Variants in SPRYD3 observed in about 807,000 individuals in gnomAD.
The protein encoded by SPRYD3 is SPRY domain-containing protein 3.
Under a neutral mutation model 50.1 loss-of-function variants are expected in SPRYD3, and 17 were observed. The ratio of observed to expected loss-of-function variants is 0.34; its 90% confidence interval spans 0.23 to 0.51. The LOEUF (loss-of-function observed/expected upper bound fraction) is 0.51. SPRYD3 is among the 20% of genes least tolerant of loss of function. The pLI is 0.97. For missense variants in SPRYD3, 401 were observed against 591.2 expected, an observed-to-expected ratio of 0.68 and a Z score of 3.34; for synonymous variants, 198 against 215.5, an observed-to-expected ratio of 0.92 and a Z score of 0.71.
chr12:53,077,561 C>T (rs569808052), intron 1 of SPRYD3, among the ~76,000 whole-genome samples: 2 of 152,156 alleles, frequency 1.3e-5, no homozygotes, highest in South Asian at 2.1e-4. Flanking sequence ...GAGAAAAGAA[C>T]AGGGTGATAT....
chr12:53,073,185 G>T, intron 6 of SPRYD3, 101 bp downstream of exon 6: 1 of 758,424 alleles, frequency 1.3e-6, no homozygotes. Flanking sequence ...ACACTGTCCC[G>T]ACTCCCCATT....
At chr12:53,075,862 G>A (rs1944584313) in intron 2 of SPRYD3, 51 bp from the exon 3 acceptor site, 1 of 1,470,718 alleles carries the variant, frequency 6.8e-7, no homozygotes, top group East Asian at 2.3e-5. Flanking sequence ...CCCAAGAGTA[G>A]GGGGAGGGCC....
In SPRYD3 at chr12:53,073,374, T is replaced by C; in HGVS notation, c.605A>G (p.Glu202Gly). The C allele has an allele frequency of 6.3e-7, 1 of 1,590,450 alleles. No individual in the cohort carries two copies. Among genetic ancestry groups the C allele is most frequent in the Non-Finnish European group, 8.6e-7 (1 of 1,168,634 alleles). Residue 202 changes from glutamate to glycine, a missense_variant, in exon 6 of 11, where the codon GAG (glutamate) becomes GGG (glycine). By Grantham distance (98) the Glu-to-Gly change is moderately conservative. Coordinates refer to ENST00000301463, the MANE Select transcript of SPRYD3 (RefSeq NM_032840.3). ...GACGCTGTCGTCCTCACGGCCCAGC[T>C]CAGCGTTGAGGTGCAGCCGCACCTC... ...GEEVRLHLNA[E>G]LGREDDSVMM...
chr12:53,076,279 A>G (rs1944588284), intron 2 of SPRYD3, among the ~76,000 whole-genome samples: 2 of 152,198 alleles, frequency 1.3e-5, no homozygotes, highest in Non-Finnish European at 2.9e-5. Context: ...CTAGTTAAAC[A>G]GTACTACTTT....
At chr12:53,073,256 G>GCCCCCGGGGGGGGGGGCC in intron 6 of SPRYD3, 30 bp downstream of exon 6, 13 of 424,128 alleles carry the variant, frequency 3.1e-5, no homozygotes, top group Non-Finnish European at 4.4e-5. Flanking sequence ...CTCCGACCCA[G>GCCCCCGGGGGGGGGGGCC]CCCCTCCCAC....
intron 2 of SPRYD3, among the ~76,000 whole-genome samples, 166 bp from the exon 3 acceptor site, chr12:53,075,977 C>T (rs561249423): frequency 1.3e-5 from 2 of 152,212 alleles, no homozygotes; most frequent in Non-Finnish European, 2.9e-5. Flanking sequence ...TTAAGGTCAC[C>T]TCACCCTACT....
chr12:53,076,702 C>G (rs1944590640), intron 2 of SPRYD3, among the ~76,000 whole-genome samples: 1 of 152,186 alleles, frequency 6.6e-6, no homozygotes, highest in African/African-American at 2.4e-5. Context: ...CTGCTCCACT[C>G]AGAAAGGCCT....
intron 6 of SPRYD3, among the ~76,000 whole-genome samples, chr12:53,072,153 ATGT>A (rs1165784154): frequency 6.6e-6 from 1 of 152,108 alleles, no homozygotes; most frequent in Admixed American, 6.5e-5. Context: ...AACTCTGTAG[ATGT>A]TGTCAGAATG....
chr12:53,070,117 C>G (rs748200753), intron 6 of SPRYD3, among the ~76,000 whole-genome samples: 1 of 152,228 alleles, frequency 6.6e-6, no homozygotes, highest in Non-Finnish European at 1.5e-5. Flanking sequence ...AAAACCCACT[C>G]TCTACCTGCC....
At chr12:53,072,328 C>G (rs1944555754) in intron 6 of SPRYD3, among the ~76,000 whole-genome samples, 1 of 152,128 alleles carries the variant, frequency 6.6e-6, no homozygotes, top group Admixed American at 6.5e-5. Flanking sequence ...TCCCTGAGTT[C>G]CACTCCACCA....
chr12:53,070,970 CAG>C (rs1363885949), intron 6 of SPRYD3, among the ~76,000 whole-genome samples: 1 of 152,222 alleles, frequency 6.6e-6, no homozygotes, highest in African/African-American at 2.4e-5. Context: ...CTCAGTGCCA[CAG>C]AGTGGCGGCT....
At chr12:53,066,026 G>A in intron 10 of SPRYD3, 60 bp from the exon 11 acceptor site, 1 of 1,570,430 alleles carries the variant, frequency 6.4e-7, no homozygotes, top group South Asian at 1.2e-5. Context: ...CCCTGAGGAT[G>A]CTGGAGCTCC....
chr12:53,072,874 G>A (rs1944559307), intron 6 of SPRYD3, among the ~76,000 whole-genome samples: 1 of 152,186 alleles, frequency 6.6e-6, no homozygotes, highest in Non-Finnish European at 1.5e-5. Context: ...TCCACCACAT[G>A]TGTGGACTTC....
intron 8 of SPRYD3, among the ~76,000 whole-genome samples, chr12:53,067,109 C>CA (rs146264495): frequency 0.03 from 1,789 of 60,522 alleles, 36 homozygotes; most frequent in East Asian, 0.044. Flanking sequence ...GACTCCATCT[C>CA]AAAAAAAAAA....
intron 6 of SPRYD3, among the ~76,000 whole-genome samples, chr12:53,070,663 A>G (rs1944543308): frequency 6.6e-6 from 1 of 152,238 alleles, no homozygotes; most frequent in Non-Finnish European, 1.5e-5. Context: ...TGAAGTGACC[A>G]ATACACATTG....
Position 53,074,089 on chromosome 12 carries a change from A to G in SPRYD3, c.507+560T>C, listed in dbSNP as rs1032426112. ...GCTAAGGCAGCAGGACCCCTTGGCC[A>G]AGGCCTGAGAAACCAATTTCCCAAT... On this transcript the variant is annotated intron_variant, in intron 5 of 10. Transcript: ENST00000301463. The surrounding 1 kb of genome is among the most constrained non-coding windows in gnomAD (Gnocchi z 4.6). Among the ~76,000 whole-genome samples the G allele has an allele frequency of 6.6e-6, 1 of 152,194 alleles. No homozygotes were observed. Among genetic ancestry groups the G allele is most frequent in the Non-Finnish European group, 1.5e-5 (1 of 68,034 alleles).
chr12:53,077,164 G>A lies in SPRYD3; in HGVS notation c.121C>T (p.Arg41Ter), dbSNP rs752934275. The change falls in exon 2 of 11, where the codon CGA becomes TGA. Residue 41 changes from arginine to a stop codon, truncating the protein, a stop_gained. Transcript: ENST00000301463. LOFTEE classifies it high-confidence loss of function. ...IREIREVRAF[R>*]YQERFKHILV... ...ATATGTTTGAACCTCTCCTGATATC[G>A]GAAAGCTCGGACCTCTCGAATCTCC... 3 of 1,614,162 alleles carry A rather than the reference G, an allele frequency of 1.9e-6. No homozygotes were observed. The highest frequency in any genetic ancestry group is 1.7e-5 in the Admixed American group (1 of 60,020).
In SPRYD3 at chr12:53,068,162, G is replaced by A; in HGVS notation, c.836C>T (p.Ala279Val). 6.2e-7 allele frequency: 1 copy of A among 1,614,196 alleles called. No homozygotes were observed. The highest frequency in any genetic ancestry group is 2.2e-5 in the East Asian group (1 of 44,882). Residue 279 changes from alanine (A) to valine (V), a missense_variant, in exon 7 of 11, where the codon GCA becomes GTA. Coordinates refer to ENST00000301463, the MANE Select transcript of SPRYD3 (RefSeq NM_032840.3). ...GEKCYIALGL[A>V]RKDYPKNRHP... ...CTCAGCCTTTGTGCCCACCTTCCGT[G>A]CCAGCCCCAGGGCGATGTAGCATTT...
In SPRYD3 at chr12:53,066,453, A is replaced by G. The variant is rs1208646403; in HGVS notation, c.1055T>C (p.Leu352Pro). The G allele has an allele frequency of 6.2e-7, 1 of 1,614,144 alleles. No individual in the cohort carries two copies. ...CCGGACGGCCCGGGCAGTCGGAGAC[A>G]GGATCACTGTGTCACAACTGTCATC... ...DSDDSCDTVI[L>P]SPTARAVRNV... Residue 352 changes from leucine (L) to proline (P), a missense_variant, in exon 10 of 11, where the codon CTG becomes CCG. By Grantham distance (98) the Leu-to-Pro change is moderately conservative. Coordinates refer to ENST00000301463, the MANE Select transcript of SPRYD3 (RefSeq NM_032840.3).
Sources: gnomAD v4.1 joint callset for allele counts (sites outside exome capture counted in the v4.1 genomes callset) on GRCh38, gnomAD v4.1.1 for gene constraint, Gnocchi (gnomAD v3.1) non-coding constraint, MANE v1.5 for transcripts, NCBI Gene and HGNC (gene_info 2026-07-23, HGNC 2026-07-21) for gene names.